Variants in MAP4K4 observed in about 807,000 individuals in gnomAD.
MAP4K4 encodes the protein mitogen-activated protein kinase kinase kinase kinase 4.
A neutral mutation model predicts 189.6 loss-of-function variants in MAP4K4; 38 were observed. The ratio of observed to expected loss-of-function variants is 0.20; its 90% CI spans 0.15 to 0.26. The LOEUF (loss-of-function observed/expected upper bound fraction) is 0.26. MAP4K4 is among the 10% of genes least tolerant of loss of function. The pLI, the probability that MAP4K4 is intolerant of heterozygous loss-of-function variation, is 1.00. For synonymous variants in MAP4K4, 610 were observed against 624.3 expected (o/e 0.98, Z 0.34); for missense variants, 1,054 against 1,726.9 (o/e 0.61, Z 6.91).
intron 6 of MAP4K4, among the ~76,000 whole-genome samples, chr2:101,831,478 A>G (rs1397769553): frequency 6.6e-6 from 1 of 150,474 alleles, no homozygotes; most frequent in East Asian, 2.0e-4. Flanking sequence ...GAAGCTGGGG[A>G]GGCAGCCAGA....
chr2:101,751,520 T>C (rs1431434444), intron 2 of MAP4K4, among the ~76,000 whole-genome samples: 3 of 152,218 alleles, frequency 2.0e-5, no homozygotes, highest in African/African-American at 7.2e-5. Context: ...GGTGCCTTTC[T>C]TCATTCAGCA....
chr2:101,888,606 A>G (rs764221677), intron 31 of MAP4K4, among the ~76,000 whole-genome samples, 190 bp from the exon 32 acceptor site: 2 of 152,166 alleles, frequency 1.3e-5, no homozygotes, highest in Non-Finnish European at 2.9e-5. Flanking sequence ...GCAAGTAACT[A>G]CTTCACAGGA....
intron 27 of MAP4K4, among the ~76,000 whole-genome samples, chr2:101,879,073 T>TA (rs1455244077): frequency 1.3e-5 from 2 of 151,598 alleles, no homozygotes; most frequent in Non-Finnish European, 2.9e-5. Context: ...CGTATGCCTG[T>TA]AATCCCAGCA....
chr2:101,813,581 C>A (rs1022603915), intron 3 of MAP4K4, among the ~76,000 whole-genome samples: 1 of 152,170 alleles, frequency 6.6e-6, no homozygotes, highest in Non-Finnish European at 1.5e-5. Flanking sequence ...GAGGCACTTG[C>A]AGTTTATCAT....
rs190496590 is a variant in MAP4K4, at chr2:101,778,044, C to T, written c.124-12676C>T. 3.3e-5 allele frequency among the ~76,000 whole-genome samples: 5 copies of T among 152,202 alleles called. No homozygotes were observed. In the East Asian group the frequency reaches 5.8e-4, roughly 18 times the overall value. On this transcript the variant is annotated intron_variant, in intron 2 of 32. Coordinates refer to ENST00000324219, the Ensembl canonical transcript of MAP4K4. ...AGTGTTCTATTTCTACCAGTAATTC[C>T]GTAGGGGTAATTTTGGATGCTTGTG...
chr2:101,772,526 A>G (rs538525129), intron 2 of MAP4K4, among the ~76,000 whole-genome samples: 11 of 152,338 alleles, frequency 7.2e-5, no homozygotes, highest in African/African-American at 2.4e-4. Context: ...CCAAAGACCT[A>G]AATGAAATTA....
intron 2 of MAP4K4, among the ~76,000 whole-genome samples, chr2:101,780,072 C>A (rs531474275): frequency 9.2e-5 from 14 of 152,310 alleles, no homozygotes; most frequent in Admixed American, 1.3e-4. Flanking sequence ...AAGCTGCTTA[C>A]AGTTGACTTT....
chr2:101,854,204 G>A (rs1237599617), intron 12 of MAP4K4, among the ~76,000 whole-genome samples: 1 of 152,176 alleles, frequency 6.6e-6, no homozygotes, highest in Non-Finnish European at 1.5e-5. Context: ...GAGTGTTATG[G>A]TAGTGCAAGA....
chr2:101,776,587 CA>C lies in MAP4K4; in HGVS notation c.124-14124del, dbSNP rs1208423161. Among the ~76,000 whole-genome samples, 951 of 110,928 alleles carry C rather than the reference CA, an allele frequency of 8.6e-3. 38 individuals are homozygous for C. The highest frequency in any genetic ancestry group is 0.012 in the Non-Finnish European group (632 of 54,220). The allele number at this position is 110,928 out of a possible 152,430, so 72.8% of individuals were successfully genotyped here. Reference sequence around the variant, plus strand: ...ATGCACCCCCACCCCCCCACCCCCCCAAAAAAAAACACTATGGAAAATGTTA... The same window carrying C: ...ATGCACCCCCACCCCCCCACCCCCCCAAAAAAAACACTATGGAAAATGTTA... On this transcript the variant is annotated intron_variant, in intron 2 of 32. Coordinates refer to ENST00000324219, the Ensembl canonical transcript of MAP4K4.
At chr2:101,800,176 T>C (rs7560528) in intron 3 of MAP4K4, among the ~76,000 whole-genome samples, 114,455 of 151,750 alleles carry the variant, frequency 0.75, 43,635 homozygotes, top group African/African-American at 0.88. Context: ...ATCCCCCAGG[T>C]TGGAGTGCAG....
intron 2 of MAP4K4, among the ~76,000 whole-genome samples, chr2:101,757,205 T>C (rs1326160459): frequency 6.6e-6 from 1 of 152,228 alleles, no homozygotes; most frequent in Non-Finnish European, 1.5e-5. Flanking sequence ...CAGAAACTCA[T>C]TGAAATAATT....
At chr2:101,884,364 A>G (rs2098452077) in intron 28 of MAP4K4, among the ~76,000 whole-genome samples, 1 of 152,226 alleles carries the variant, frequency 6.6e-6, no homozygotes, top group African/African-American at 2.4e-5. Context: ...GAAGTCTATG[A>G]AACAGTACCG....
chr2:101,713,150 C>T (rs1401575337), intron 2 of MAP4K4, among the ~76,000 whole-genome samples: 1 of 151,584 alleles, frequency 6.6e-6, no homozygotes, highest in Admixed American at 6.6e-5. Flanking sequence ...GGTGATCCAC[C>T]CACCTCCTCG....
intron 28 of MAP4K4, among the ~76,000 whole-genome samples, chr2:101,884,047 G>A (rs1237143047): frequency 6.6e-6 from 1 of 152,146 alleles, no homozygotes; most frequent in African/African-American, 2.4e-5. Flanking sequence ...GGGAGCAAGA[G>A]GCAGACGGGT....
intron 2 of MAP4K4, 70 bp from the exon 3 acceptor site, chr2:101,790,650 A>G: frequency 9.3e-7 from 1 of 1,073,082 alleles, no homozygotes; most frequent in Non-Finnish European, 1.4e-6. Flanking sequence ...TGGAAACTTC[A>G]GCCATTTTGT....
At chr2:101,877,024 C>T in exon 27 of MAP4K4, 1 of 1,613,922 alleles carries the variant, frequency 6.2e-7, no homozygotes, top group Non-Finnish European at 8.5e-7. Context: ...CTAGTGGGTA[C>T]AGAGAGTGGC....
chr2:101,782,023 G>C (rs1247648488), intron 2 of MAP4K4, among the ~76,000 whole-genome samples: 2 of 152,198 alleles, frequency 1.3e-5, no homozygotes, highest in African/African-American at 4.8e-5. Flanking sequence ...AATATTCCCG[G>C]AGGCTATCCC....
rs183466890 is a variant in MAP4K4 at position 101,781,292 on chromosome 2, A to T, written c.124-9428A>T. Among the ~76,000 whole-genome samples, 3 of 152,158 alleles carry T rather than the reference A, an allele frequency of 2.0e-5. No individual in the cohort carries two copies. In the East Asian group the frequency reaches 5.8e-4, roughly 29 times the overall value. On this transcript the variant is annotated intron_variant, in intron 2 of 32. Coordinates refer to ENST00000324219, the Ensembl canonical transcript of MAP4K4. ...ATCCTTTGTAATGCATCTTCACCAG[A>T]TGTCTCTAAAACTCTTCTGCCCGTT...
At chr2:101,714,997 A>C (rs988651708) in intron 2 of MAP4K4, among the ~76,000 whole-genome samples, 1 of 152,212 alleles carries the variant, frequency 6.6e-6, no homozygotes, top group Non-Finnish European at 1.5e-5. Flanking sequence ...AAAAGAACAA[A>C]TGTATGGGAA....
Sources: allele counts gnomAD v4.1 joint callset (sites outside exome capture counted in the v4.1 genomes callset), GRCh38; gene constraint gnomAD v4.1.1; transcripts MANE v1.5; gene names NCBI Gene and HGNC (gene_info 2026-07-23, HGNC 2026-07-21).